RIPOR1: variants seen among roughly 807,000 people sequenced by gnomAD.
The protein encoded by RIPOR1 is RHO family interacting cell polarization regulator 1.
A neutral mutation model predicts 116.5 loss-of-function variants in RIPOR1; 58 were observed. That is an observed-to-expected ratio of 0.50 (90% CI 0.40 to 0.62). The LOEUF (loss-of-function observed/expected upper bound fraction) is 0.62. Among genes scored for constraint, RIPOR1 ranks in the 20% least tolerant of loss-of-function variants. RIPOR1 has a pLI of 0.00. For missense variants in RIPOR1, 1,372 were observed against 1,586.2 expected, an observed-to-expected ratio of 0.86 and a Z score of 2.29; for synonymous variants, 605 against 650.0, an observed-to-expected ratio of 0.93 and a Z score of 1.05.
intron 1 of RIPOR1, among the ~76,000 whole-genome samples, chr16:67,520,645 A>G (rs542584313): frequency 6.6e-6 from 1 of 152,048 alleles, no homozygotes; most frequent in South Asian, 2.1e-4. Flanking sequence ...TACTAAAAAT[A>G]CAAAAATTAG....
chr16:67,540,601 A>C lies in RIPOR1; in HGVS notation c.698A>C (p.Gln233Pro). 1 of 1,613,972 alleles carries C rather than the reference A, an allele frequency of 6.2e-7. No homozygotes were observed. The highest frequency in any genetic ancestry group is 8.5e-7 in the Non-Finnish European group (1 of 1,179,886). ...QYEICMKYGR[Q>P]RWKLRGRIEG... ...CAGATCTGCATGAAATATGGGCGTC[A>C]GCGCTGGAAACTACGGGGCCGAATT... Residue 233 changes from glutamine (Q) to proline (P), a missense_variant, in exon 10 of 22, where the codon CAG becomes CCG. Physicochemically the swap from Gln to Pro is moderately conservative, Grantham distance 76. Transcript: ENST00000042381. The surrounding 1 kb of genome is among the most constrained non-coding windows in gnomAD (Gnocchi z 4.7).
At chr16:67,536,975 C>G (rs1195280615) in intron 1 of RIPOR1, among the ~76,000 whole-genome samples, 2 of 152,178 alleles carry the variant, frequency 1.3e-5, no homozygotes, top group African/African-American at 4.8e-5. Flanking sequence ...CTCGCTCTGT[C>G]GCCCAGGCTG....
chr16:67,540,975 A>T lies in RIPOR1; in HGVS notation c.801+271A>T, dbSNP rs544403448. ...AAGCTCCCATGAGGCTGTGACCTCT[A>T]TGACCTCAGTGACCCTACCATGCAG... is the stretch of plus-strand genomic sequence containing the variant. On this transcript the variant is annotated intron_variant, in intron 10 of 21. Coordinates refer to ENST00000042381, the MANE Select transcript of RIPOR1 (RefSeq NM_024519.4). This position sits in a 1 kb window ranked among gnomAD's most constrained non-coding sequence, Gnocchi z 4.7. Among the ~76,000 whole-genome samples, 11 of 152,108 alleles carry T rather than the reference A, an allele frequency of 7.2e-5. No individual in the cohort carries two copies. The South Asian group carries it at 2.1e-3, about 29-fold the overall frequency.
upstream of RIPOR1, among the ~76,000 whole-genome samples, chr16:67,523,851 T>A (rs974465608): frequency 1.3e-5 from 2 of 152,038 alleles, no homozygotes; most frequent in African/African-American, 2.4e-5. Flanking sequence ...CTCATTTTTG[T>A]GTTTTTAGTA....
At chr16:67,538,917 C>A in intron 3 of RIPOR1, 73 bp from the exon 4 acceptor site, 1 of 1,609,302 alleles carries the variant, frequency 6.2e-7, no homozygotes, top group South Asian at 1.1e-5. Flanking sequence ...CATGCCCTCT[C>A]CCTGCTGTCT....
intron 1 of RIPOR1, among the ~76,000 whole-genome samples, chr16:67,519,734 G>A (rs1000080601): frequency 5.3e-5 from 8 of 152,038 alleles, no homozygotes; most frequent in Non-Finnish European, 1.2e-4. Flanking sequence ...CAAGAGATGT[G>A]GGGGATGAGA....
At chr16:67,536,611 G>A (rs2142490881) in intron 1 of RIPOR1, among the ~76,000 whole-genome samples, 1 of 152,134 alleles carries the variant, frequency 6.6e-6, no homozygotes, top group African/African-American at 2.4e-5. Context: ...GAAGAGGGGA[G>A]TGCTCAGGCT....
At chr16:67,532,199 G>A (rs1046306274) in intron 1 of RIPOR1, among the ~76,000 whole-genome samples, 2 of 152,100 alleles carry the variant, frequency 1.3e-5, no homozygotes, top group African/African-American at 2.4e-5. Context: ...GCACCCGGCC[G>A]TGTGACTGTT....
intron 1 of RIPOR1, among the ~76,000 whole-genome samples, chr16:67,521,421 G>GT (rs1162036706): frequency 6.6e-6 from 1 of 152,182 alleles, no homozygotes; most frequent in African/African-American, 2.4e-5. Flanking sequence ...TTCACCTAGC[G>GT]TTAGCAACTC....
At chr16:67,523,547 A>C (rs1355166128) in intron 1 of RIPOR1, among the ~76,000 whole-genome samples, 1 of 148,260 alleles carries the variant, frequency 6.7e-6, no homozygotes, top group African/African-American at 2.6e-5. Flanking sequence ...AAAAAAAAAA[A>C]AACAGTAGTC....
At chr16:67,538,134 G>A in intron 1 of RIPOR1, 2 of 348,208 alleles carry the variant, frequency 5.7e-6, no homozygotes, top group Non-Finnish European at 1.0e-5. Flanking sequence ...CCCCTTCCCA[G>A]CCGGAGGAGG....
Position 67,545,464 on chromosome 16 carries a change from G to A in RIPOR1, c.3120G>A (p.Gln1040=), listed in dbSNP as rs781104854. 27 of 1,613,938 alleles carry A rather than the reference G, an allele frequency of 1.7e-5. No individual in the cohort carries two copies. Among genetic ancestry groups the A allele is most frequent in the Non-Finnish European group, 2.1e-5 (25 of 1,180,036 alleles). Reference sequence around the variant, plus strand: ...CTGGAGAGCAGCTCACAGTCTTCCAGTTCTGGAGTTTTGTGGAAACCTTGG... The same window carrying A: ...CTGGAGAGCAGCTCACAGTCTTCCAATTCTGGAGTTTTGTGGAAACCTTGG... The part of the protein sequence containing the change: ...PGPGEQLTVF[Q]FWSFVETLDS... The change falls in exon 18 of 22, where the codon CAG becomes CAA. Residue 1040 remains glutamine, a synonymous_variant. Transcript: ENST00000042381. This position sits in a 1 kb window ranked among gnomAD's most constrained non-coding sequence, Gnocchi z 4.8.
At position 67,538,762 on chromosome 16, in the gene RIPOR1, C is replaced by T. The variant is rs1234982883; in HGVS notation, c.195C>T (p.Ala65=). The T allele has an allele frequency of 1.1e-5, 17 of 1,613,398 alleles. No homozygotes were observed. The highest frequency in any genetic ancestry group is 1.4e-5 in the Non-Finnish European group (17 of 1,179,966). Residue 65 remains alanine, a synonymous_variant, in exon 3 of 22, where the codon GCC becomes GCT. Transcript: ENST00000042381. ...VSRMFSVAHP[A]AKVPQPERLD... is the part of the protein sequence containing the mutation. ...GGATGTTTTCCGTGGCTCACCCAGC[C>T]GCCAAGGTGCCGCAGCCCGAGCGGC...
At chr16:67,534,848 T>C (rs1360793561) in intron 1 of RIPOR1, among the ~76,000 whole-genome samples, 14 of 140,340 alleles carry the variant, frequency 1.0e-4, no homozygotes, top group South Asian at 2.4e-4. Flanking sequence ...TTTTTTTTTT[T>C]TTTTTTTTTT....
In RIPOR1 at chr16:67,545,532, AG is replaced by A; in HGVS notation, c.3190+1del. On this transcript the variant is annotated frameshift_variant and splice_region_variant, in exon 18 of 22. Transcript: ENST00000042381. LOFTEE classifies it high-confidence loss of function. This position sits in a 1 kb window ranked among gnomAD's most constrained non-coding sequence, Gnocchi z 4.8. ...MEAYVTETAEEVLLVRNLNSD... is the reference protein window; with the variant it reads ...MEAYVTETAEXVLLVRNLNSD... ...GCCTACGTGACTGAGACCGCTGAGG[AG>A]GGTGAGGCGGTGGCCCTGATCACAT... The A allele has an allele frequency of 6.2e-7, 1 of 1,613,998 alleles. No homozygotes were observed. The highest frequency in any genetic ancestry group is 8.5e-7 in the Non-Finnish European group (1 of 1,179,986).
upstream of RIPOR1, among the ~76,000 whole-genome samples, chr16:67,524,098 G>T (rs1204938905): frequency 6.6e-6 from 1 of 152,196 alleles, no homozygotes; most frequent in Non-Finnish European, 1.5e-5. Flanking sequence ...GTTTGTGTTT[G>T]CATTGTGTTG....
At position 67,542,425 on chromosome 16, in the gene RIPOR1, A is replaced by G; in HGVS notation, c.1639A>G (p.Thr547Ala). 1.2e-6 allele frequency: 2 copies of G among 1,613,534 alleles called. No individual in the cohort carries two copies. Among genetic ancestry groups the G allele is most frequent in the Non-Finnish European group, 8.5e-7 (1 of 1,179,834 alleles). The change falls in exon 13 of 22, where the codon ACC becomes GCC. Residue 547 changes from threonine (T) to alanine (A), a missense_variant. This residue lies in a region of RIPOR1 where 1,005 missense variants were observed against 1,144.7 expected (regional missense o/e 0.88). Coordinates refer to ENST00000042381, the MANE Select transcript of RIPOR1 (RefSeq NM_024519.4). This position sits in a 1 kb window ranked among gnomAD's most constrained non-coding sequence, Gnocchi z 4.6. ...TTCAGAACTGCCAGGCCCCACTCACACCACTACAGGCTCTACCTATAGTGC... is the reference window on the plus strand; with the variant it reads ...TTCAGAACTGCCAGGCCCCACTCACGCCACTACAGGCTCTACCTATAGTGC... ...GPSELPGPTH[T>A]TTGSTYSAIT...
chr16:67,533,972 TA>T (rs1232246339), intron 1 of RIPOR1, among the ~76,000 whole-genome samples: 4 of 144,724 alleles, frequency 2.8e-5, no homozygotes, highest in Non-Finnish European at 6.0e-5. Context: ...CACGCCCGGC[TA>T]ATTTTTTTTT....
chr16:67,543,308 CA>C lies in RIPOR1; in HGVS notation c.2479-39del, dbSNP rs747690344. On this transcript the variant is annotated intron_variant, in intron 13 of 21. Coordinates refer to ENST00000042381, the MANE Select transcript of RIPOR1 (RefSeq NM_024519.4). This position sits in a 1 kb window ranked among gnomAD's most constrained non-coding sequence, Gnocchi z 4.7. ...GGCTAGGGCAACCAGGGAGGGCAGC[CA>C]GGGGGCGGCAGCCGCTCTGATGCCC... 1 of 1,606,352 alleles carries C rather than the reference CA, an allele frequency of 6.2e-7. No individual in the cohort carries two copies. Among genetic ancestry groups the C allele is most frequent in the Admixed American group, 1.7e-5 (1 of 58,734 alleles).
Sources: gnomAD v4.1 joint callset for allele counts (sites outside exome capture counted in the v4.1 genomes callset) on GRCh38, gnomAD v4.1.1 for gene constraint, gnomAD v4.1.1 regional missense constraint, Gnocchi (gnomAD v3.1) non-coding constraint, MANE v1.5 for transcripts, NCBI Gene and HGNC (gene_info 2026-07-23, HGNC 2026-07-21) for gene names.